INPP4A: variants seen among roughly 807,000 people sequenced by gnomAD.
INPP4A encodes inositol polyphosphate-4-phosphatase type I A, also known as inositol polyphosphate-4-phosphatase, type I, 107kD.
In INPP4A, 33 loss-of-function variants were observed where a neutral mutation model predicts 119.8. That is an observed-to-expected ratio of 0.28 (90% CI 0.21 to 0.37). The LOEUF (loss-of-function observed/expected upper bound fraction) is 0.37, where lower values mean the gene tolerates loss of function less well. INPP4A is among the 10% of genes least tolerant of loss of function. The pLI is 1.00. For synonymous variants in INPP4A, 496 were observed against 500.7 expected, an observed-to-expected ratio of 0.99 and a Z score of 0.12; for missense variants, 956 against 1,289.9, an observed-to-expected ratio of 0.74 and a Z score of 3.97.
intron 24 of INPP4A, among the ~76,000 whole-genome samples, chr2:98,583,556 G>C (rs1699624483): frequency 6.6e-6 from 1 of 152,206 alleles, no homozygotes; most frequent in Non-Finnish European, 1.5e-5. Context: ...ACGGTCAGCA[G>C]CTTCTCTGTT....
At chr2:98,533,356 T>C (rs1380711709) in intron 4 of INPP4A, 21 bp from the exon 5 acceptor site, 1 of 1,492,468 alleles carries the variant, frequency 6.7e-7, no homozygotes, top group Non-Finnish European at 9.3e-7. Flanking sequence ...GATTCATTTC[T>C]TTCCCGTGTT....
chr2:98,472,350 G>A (rs1425276071), intron 1 of INPP4A, among the ~76,000 whole-genome samples: 1 of 152,216 alleles, frequency 6.6e-6, no homozygotes. Flanking sequence ...GCACACCCAC[G>A]GCAGCGTGCA....
chr2:98,524,431 G>A (rs1411788263), intron 4 of INPP4A, among the ~76,000 whole-genome samples: 1 of 152,156 alleles, frequency 6.6e-6, no homozygotes, highest in Non-Finnish European at 1.5e-5. Context: ...ATCAAACCCT[G>A]GTTGAAATTT....
chr2:98,449,702 G>A (rs539889134), intron 1 of INPP4A, among the ~76,000 whole-genome samples: 50 of 152,214 alleles, frequency 3.3e-4, no homozygotes, highest in Non-Finnish European at 5.1e-4. Flanking sequence ...CCTTCTCAGG[G>A]GATAGATGCT....
chr2:98,515,645 TGGA>T (rs1685973082), intron 1 of INPP4A, among the ~76,000 whole-genome samples: 1 of 152,198 alleles, frequency 6.6e-6, no homozygotes, highest in Non-Finnish European at 1.5e-5. Context: ...TAAGCAAAAG[TGGA>T]GCTCTGATGT....
intron 1 of INPP4A, among the ~76,000 whole-genome samples, chr2:98,461,882 T>TGGTTGAG (rs1167033316): frequency 2.0e-5 from 3 of 152,252 alleles, no homozygotes; most frequent in African/African-American, 7.2e-5. Flanking sequence ...CTTCAACCAG[T>TGGTTGAG]GCTCTCTGGA....
chr2:98,527,841 C>T (rs1294539191), intron 4 of INPP4A, among the ~76,000 whole-genome samples: 2 of 152,148 alleles, frequency 1.3e-5, no homozygotes, highest in African/African-American at 4.8e-5. Context: ...TATTACTTTA[C>T]AGAATTAGAT....
intron 17 of INPP4A, among the ~76,000 whole-genome samples, chr2:98,560,706 G>A (rs1695320516): frequency 1.3e-5 from 2 of 152,348 alleles, no homozygotes; most frequent in South Asian, 4.1e-4. Context: ...CGGCAGGCCA[G>A]TGCCTTCGGA....
Position 98,535,069 on chromosome 2 carries a change from A to T in INPP4A, c.271-660A>T, listed in dbSNP as rs138241211. 2.6e-3 allele frequency among the ~76,000 whole-genome samples: 399 copies of T among 152,296 alleles called. 3 individuals are homozygous for T. The highest frequency in any genetic ancestry group is 4.4e-3 in the Non-Finnish European group (301 of 68,016). ...CCTGGATCTGGATCTCCAGAGAGAA[A>T]AAGGAGCCAGAGGCCCAGGGAATGG... On this transcript the variant is annotated intron_variant, in intron 5 of 24. Coordinates refer to ENST00000409851, the MANE Select transcript of INPP4A (RefSeq NM_001134225.2).
chr2:98,540,417 T>G (rs915659140), intron 10 of INPP4A, among the ~76,000 whole-genome samples: 1 of 152,236 alleles, frequency 6.6e-6, no homozygotes, highest in Non-Finnish European at 1.5e-5. Flanking sequence ...CTTCTGCATC[T>G]CTCAACCCAG....
chr2:98,492,779 CAG>C, intron 1 of INPP4A, among the ~76,000 whole-genome samples: 1 of 152,358 alleles, frequency 6.6e-6, no homozygotes, highest in Non-Finnish European at 1.5e-5. Flanking sequence ...ACTGGGAAAA[CAG>C]AGCCTAGCCA....
At chr2:98,497,521 A>G (rs887245159) in intron 1 of INPP4A, among the ~76,000 whole-genome samples, 7 of 152,218 alleles carry the variant, frequency 4.6e-5, no homozygotes, top group Admixed American at 6.5e-5. Context: ...GAGGGGGACT[A>G]TACCCTGCTG....
In INPP4A at chr2:98,570,184, A is replaced by G. The variant is rs960423199; in HGVS notation, c.2518+1516A>G. Among the ~76,000 whole-genome samples the G allele has an allele frequency of 3.3e-5, 5 of 152,212 alleles. No homozygotes were observed. Among genetic ancestry groups the G allele is most frequent in the Admixed American group, 3.3e-4 (5 of 15,290 alleles). ...CGACAGCGAGTGCAGCACTGGCCCC[A>G]GCTGAGCTGATGACATGGGCAAATG... On this transcript the variant is annotated intron_variant, in intron 22 of 24. Transcript: ENST00000409851. This position sits in a 1 kb window ranked among gnomAD's most constrained non-coding sequence, Gnocchi z 4.3.
intron 13 of INPP4A, chr2:98,548,903 G>C: frequency 6.5e-7 from 1 of 1,548,076 alleles, no homozygotes; most frequent in Non-Finnish European, 8.8e-7. Context: ...TTTTGCATTT[G>C]GTATTTGCTA....
At chr2:98,558,494 C>T (rs1209812288) in intron 16 of INPP4A, among the ~76,000 whole-genome samples, 1 of 152,144 alleles carries the variant, frequency 6.6e-6, no homozygotes, top group African/African-American at 2.4e-5. Context: ...ATTCTCTTTC[C>T]CCTTTGCCAG....
In INPP4A at chr2:98,514,826, G is replaced by T. The variant is rs547263952; in HGVS notation, c.-165-4138G>T. Among the ~76,000 whole-genome samples, 20 of 152,234 alleles carry T rather than the reference G, an allele frequency of 1.3e-4. No homozygotes were observed. The East Asian group carries it at 2.1e-3, about 16-fold the overall frequency. On this transcript the variant is annotated intron_variant, in intron 1 of 24. Transcript: ENST00000409851. ...CCCAGCTACTCAGGAGGCTGAGATGGGTGGATGGCTTGAGCCCAGGAGTTT... is the reference window on the plus strand; with the variant it reads ...CCCAGCTACTCAGGAGGCTGAGATGTGTGGATGGCTTGAGCCCAGGAGTTT...
intron 23 of INPP4A, among the ~76,000 whole-genome samples, chr2:98,576,326 G>T (rs1698407465): frequency 6.6e-6 from 1 of 152,180 alleles, no homozygotes. Context: ...CCAGTCCAGA[G>T]GCTGCCCTGC....
chr2:98,581,836 C>A, intron 24 of INPP4A: 2 of 1,509,628 alleles, frequency 1.3e-6, no homozygotes, highest in South Asian at 1.3e-5. Context: ...CCTAACTGGA[C>A]AGAAGGAATG....
intron 1 of INPP4A, among the ~76,000 whole-genome samples, chr2:98,482,750 A>G (rs1678733821): frequency 6.6e-6 from 1 of 152,254 alleles, no homozygotes; most frequent in African/African-American, 2.4e-5. Flanking sequence ...ATTTAAGAGA[A>G]ATGCAAAGCT....
Sources: allele counts gnomAD v4.1 joint callset (sites outside exome capture counted in the v4.1 genomes callset), GRCh38; gene constraint gnomAD v4.1.1; non-coding constraint Gnocchi (gnomAD v3.1); transcripts MANE v1.5; gene names NCBI Gene and HGNC (gene_info 2026-07-23, HGNC 2026-07-21).